The following SMARCC1 variants were observed in gnomAD, a reference collection of about 807,000 sequenced individuals.
SMARCC1 encodes SWI/SNF related BAF chromatin remodeling complex subunit C1.
SMARCC1 carries 43 observed loss-of-function variants against 147.4 expected under a neutral mutation model. That is an observed-to-expected ratio of 0.29 (90% CI 0.23 to 0.38). The LOEUF is 0.38. Among genes scored for constraint, SMARCC1 ranks in the 10% least tolerant of loss-of-function variants. The probability of loss-of-function intolerance (pLI) is 1.00; values close to 1 mark genes in which losing one functional copy is unlikely to be tolerated. For synonymous variants in SMARCC1, 495 were observed against 484.4 expected, an observed-to-expected ratio of 1.02 and a Z score of -0.29; for missense variants, 1,119 against 1,381.1, an observed-to-expected ratio of 0.81 and a Z score of 3.01.
chr3:47,647,655 G>C (rs1434902318), intron 21 of SMARCC1, among the ~76,000 whole-genome samples: 2 of 152,186 alleles, frequency 1.3e-5, no homozygotes, highest in Non-Finnish European at 2.9e-5. Context: ...TAGTCTCAGA[G>C]ATTTCTGTCT....
At chr3:47,686,245 A>T (rs933320359) in intron 13 of SMARCC1, 75 bp from the exon 14 acceptor site, 5 of 1,186,518 alleles carry the variant, frequency 4.2e-6, no homozygotes, top group Non-Finnish European at 6.0e-6. Context: ...CTTACACTTC[A>T]GTTGTTAGGT....
chr3:47,781,190 AAC>A (rs1445526900), intron 1 of SMARCC1, among the ~76,000 whole-genome samples: 2 of 152,206 alleles, frequency 1.3e-5, no homozygotes, highest in African/African-American at 4.8e-5. Flanking sequence ...GCAATTCAAC[AAC>A]AGGTAGCAAA....
At position 47,673,403 on chromosome 3, in the gene SMARCC1, G is replaced by GC. The variant is rs1471217994; in HGVS notation, c.1839+2071_1839+2072insG. 1.4e-4 allele frequency among the ~76,000 whole-genome samples: 19 copies of GC among 133,920 alleles called. 6 individuals carry two copies. In the East Asian group the frequency reaches 3.1e-3, roughly 22 times the overall value. The allele number at this position is 133,920 out of a possible 152,430, so 87.9% of individuals were successfully genotyped here. ...TCTGTCTCAAAAAAAAAAGGGTGGG[G>GC]GGGGGGCAGGCCAGTGGCTCAGGCC... On this transcript the variant is annotated intron_variant, in intron 18 of 27. Coordinates refer to ENST00000254480, the MANE Select transcript of SMARCC1 (RefSeq NM_003074.4).
intron 11 of SMARCC1, among the ~76,000 whole-genome samples, chr3:47,695,842 A>G (rs1456892737): frequency 2.1e-5 from 3 of 140,220 alleles, no homozygotes; most frequent in Admixed American, 7.4e-5. Flanking sequence ...TGAGGTGGGC[A>G]GATCACCTGA....
intron 6 of SMARCC1, among the ~76,000 whole-genome samples, chr3:47,728,190 G>A (rs562217279): frequency 6.0e-5 from 8 of 133,196 alleles, no homozygotes; most frequent in South Asian, 2.6e-4. Context: ...AGGTTCAAGC[G>A]ATTCTCCTGC....
rs745878126 is a variant in SMARCC1 at position 47,588,249 on chromosome 3, G to A, written c.3278C>T (p.Pro1093Leu). The A allele has an allele frequency of 7.4e-6, 12 of 1,613,828 alleles. No homozygotes were observed. Among genetic ancestry groups the A allele is most frequent in the East Asian group, 2.2e-5 (1 of 44,866 alleles). Reference sequence around the variant, plus strand: ...GGCTGGCGGGCCAGGAGCAGGAGGCGGAGGGACCCCATCTGCAGGTGGTGG... The same window carrying A: ...GGCTGGCGGGCCAGGAGCAGGAGGCAGAGGGACCCCATCTGCAGGTGGTGG... Reference protein sequence around the residue: ...PPPPPADGVPPPPAPGPPASA... With the variant: ...PPPPPADGVPLPPAPGPPASA... The change falls in exon 28 of 28, where the codon CCG becomes CTG. Residue 1093 changes from proline (P) to leucine (L), a missense_variant. Pro to Leu is a moderately conservative substitution (Grantham distance 98, BLOSUM62 -3). Transcript: ENST00000254480.
At chr3:47,698,858 T>A (rs2033885527) in intron 11 of SMARCC1, among the ~76,000 whole-genome samples, 1 of 152,048 alleles carries the variant, frequency 6.6e-6, no homozygotes, top group South Asian at 2.1e-4. Context: ...ATGAGATGGT[T>A]AGAATAGAAT....
At chr3:47,680,297 T>C (rs2033627241) in intron 15 of SMARCC1, 140 bp downstream of exon 15, 1 of 692,156 alleles carries the variant, frequency 1.4e-6, no homozygotes. Context: ...TGGAATGCTA[T>C]GCAAATGAGA....
chr3:47,698,464 T>C (rs543185400), intron 11 of SMARCC1, among the ~76,000 whole-genome samples: 7 of 152,230 alleles, frequency 4.6e-5, no homozygotes, highest in African/African-American at 1.7e-4. Context: ...GTTTGTGTAA[T>C]AGAAAATCCT....
chr3:47,764,815 T>A (rs1234258482), intron 2 of SMARCC1, among the ~76,000 whole-genome samples: 1 of 152,234 alleles, frequency 6.6e-6, no homozygotes, highest in Non-Finnish European at 1.5e-5. Context: ...GACTATTTGT[T>A]TTCTCCATGT....
At chr3:47,639,715 A>AAACCAACCAACCAACCAACC (rs58771135) in intron 21 of SMARCC1, among the ~76,000 whole-genome samples, 1 of 148,282 alleles carries the variant, frequency 6.7e-6, no homozygotes, top group Admixed American at 6.8e-5. Flanking sequence ...CTACATCTCA[A>AAACCAACCAACCAACCAACC]AACCAACCAA....
chr3:47,645,826 C>T (rs914717448), intron 21 of SMARCC1, among the ~76,000 whole-genome samples: 14 of 152,112 alleles, frequency 9.2e-5, no homozygotes, highest in Non-Finnish European at 1.8e-4. Flanking sequence ...AATTTGAAAT[C>T]AATTCTTTAA....
chr3:47,589,978 C>A (rs2032150000), intron 27 of SMARCC1, among the ~76,000 whole-genome samples: 1 of 152,190 alleles, frequency 6.6e-6, no homozygotes, highest in African/African-American at 2.4e-5. Context: ...GCATCATCCT[C>A]ACTGGGAAGG....
intron 21 of SMARCC1, among the ~76,000 whole-genome samples, chr3:47,650,082 C>A (rs2033168352): frequency 6.6e-6 from 1 of 151,680 alleles, no homozygotes; most frequent in African/African-American, 2.4e-5. Context: ...CGAGATCATC[C>A]TGGCTAACAC....
At chr3:47,773,653 CAG>C (rs1327176251) in intron 1 of SMARCC1, among the ~76,000 whole-genome samples, 3 of 151,186 alleles carry the variant, frequency 2.0e-5, no homozygotes, top group East Asian at 1.9e-4. Flanking sequence ...TTTTTTGAGA[CAG>C]AGTCTTGTTT....
chr3:47,597,171 G>C (rs2032298091), intron 26 of SMARCC1, among the ~76,000 whole-genome samples: 1 of 150,288 alleles, frequency 6.7e-6, no homozygotes. Flanking sequence ...AAAAAAAAGA[G>C]AGAGAGATGA....
chr3:47,769,417 C>T (rs1368537054), intron 2 of SMARCC1, among the ~76,000 whole-genome samples: 1 of 150,676 alleles, frequency 6.6e-6, no homozygotes, highest in African/African-American at 2.4e-5. Flanking sequence ...TTAGTAGAGA[C>T]GGGGTTTCAC....
chr3:47,770,300 G>A (rs973680741), intron 2 of SMARCC1, among the ~76,000 whole-genome samples: 2 of 151,624 alleles, frequency 1.3e-5, no homozygotes, highest in Non-Finnish European at 2.9e-5. Flanking sequence ...AGCCAAGGCA[G>A]GAAGATCACT....
rs575222688 is a variant in SMARCC1 at position 47,590,412 on chromosome 3, T to C, written c.3220+249A>G. On this transcript the variant is annotated intron_variant, in intron 27 of 27. Coordinates refer to ENST00000254480, the MANE Select transcript of SMARCC1 (RefSeq NM_003074.4). ...CAGGTGTGGGAGAGGAATATCTTTA[T>C]GGCCCCAATGCTGACAGTGCATGCC... Among the ~76,000 whole-genome samples the C allele has an allele frequency of 2.0e-5, 3 of 152,328 alleles. No individual in the cohort carries two copies. In the South Asian group the frequency reaches 6.2e-4, roughly 32 times the overall value.
Sources: gnomAD v4.1 joint callset for allele counts (sites outside exome capture counted in the v4.1 genomes callset) on GRCh38, gnomAD v4.1.1 for gene constraint, MANE v1.5 for transcripts, NCBI Gene and HGNC (gene_info 2026-07-23, HGNC 2026-07-21) for gene names.